Variants in DSCAM observed in about 807,000 individuals in gnomAD.
DSCAM encodes the protein DS cell adhesion molecule.
Under a neutral mutation model 217.7 loss-of-function variants are expected in DSCAM, and 47 were observed. The observed-to-expected ratio is 0.22, with a 90% CI of 0.17 to 0.28. DSCAM has a LOEUF of 0.28. Among genes scored for constraint, DSCAM ranks in the 10% least tolerant of loss-of-function variants. The probability of loss-of-function intolerance (pLI) is 1.00; values close to 1 mark genes in which losing one functional copy is unlikely to be tolerated. For synonymous variants in DSCAM, 1,056 were observed against 1,015.3 expected (o/e 1.04, Z -0.76); for missense variants, 2,080 against 2,618.3 (o/e 0.79, Z 4.49).
rs57612141 is a variant in DSCAM at position 40,834,426 on chromosome 21, AAATAATAATAATAATAATAAT to A, written c.43+12172_43+12192del. ...TGTCTCCAAAATAATAATAATAATA[AAATAATAATAATAATAATAAT>A]AATAATAATAATAATAATAATAGTT... On this transcript the variant is annotated intron_variant, in intron 1 of 32. Coordinates refer to ENST00000400454, the MANE Select transcript of DSCAM (RefSeq NM_001389.5). Among the ~76,000 whole-genome samples the A allele has an allele frequency of 6.4e-5, 9 of 141,506 alleles. No individual in the cohort carries two copies. The South Asian group carries it at 6.9e-4, about 11-fold the overall frequency. The allele number at this position is 141,506 out of a possible 152,430, so 92.8% of individuals were successfully genotyped here.
intron 2 of DSCAM, among the ~76,000 whole-genome samples, chr21:40,697,386 G>A (rs1325555566): frequency 2.0e-5 from 3 of 152,040 alleles, no homozygotes; most frequent in Non-Finnish European, 4.4e-5. Flanking sequence ...TGCTTTTGAG[G>A]CCTTACCCCA....
At chr21:40,101,669 G>A (rs2089752986) in intron 20 of DSCAM, among the ~76,000 whole-genome samples, 2 of 151,986 alleles carry the variant, frequency 1.3e-5, no homozygotes. Context: ...GAAGATTTGG[G>A]TATTTGGTCT....
intron 1 of DSCAM, among the ~76,000 whole-genome samples, chr21:40,779,765 T>A (rs955511337): frequency 3.3e-5 from 5 of 152,078 alleles, no homozygotes; most frequent in African/African-American, 1.2e-4. Context: ...GGGATGGCAG[T>A]GTAAAGAGCC....
intron 6 of DSCAM, among the ~76,000 whole-genome samples, chr21:40,342,644 A>ATTT (rs148949132): frequency 7.8e-5 from 7 of 89,298 alleles, no homozygotes; most frequent in African/African-American, 1.9e-4. Context: ...ATATATATAT[A>ATTT]TATATTTTTT....
chr21:40,757,001 G>GTGTA (rs2091283363), intron 1 of DSCAM, among the ~76,000 whole-genome samples: 1 of 151,298 alleles, frequency 6.6e-6, no homozygotes, highest in African/African-American at 2.4e-5. Flanking sequence ...GTGTGTGTGT[G>GTGTA]TATGTGTGTG....
chr21:40,102,869 T>G (rs530586059), intron 20 of DSCAM, among the ~76,000 whole-genome samples: 16 of 152,304 alleles, frequency 1.1e-4, no homozygotes, highest in African/African-American at 3.4e-4. Flanking sequence ...TTTATTCCAC[T>G]GTGGGTTATG....
chr21:40,596,299 T>C (rs962742815), intron 3 of DSCAM, among the ~76,000 whole-genome samples: 3 of 152,214 alleles, frequency 2.0e-5, no homozygotes, highest in African/African-American at 4.8e-5. Flanking sequence ...CTTTCAAATA[T>C]AAGAGTGCTT....
At chr21:40,332,376 C>A (rs572659194) in intron 8 of DSCAM, among the ~76,000 whole-genome samples, 2 of 152,280 alleles carry the variant, frequency 1.3e-5, no homozygotes, top group South Asian at 4.1e-4. Context: ...TGCGCAGCCT[C>A]ATCTCTCTTC....
intron 3 of DSCAM, among the ~76,000 whole-genome samples, chr21:40,502,335 G>A (rs914096890): frequency 1.3e-5 from 2 of 151,964 alleles, no homozygotes; most frequent in African/African-American, 4.8e-5. Flanking sequence ...CATACATCAT[G>A]GATTTTATCT....
chr21:40,233,557 A>G (rs946804223), intron 11 of DSCAM, among the ~76,000 whole-genome samples: 1 of 152,146 alleles, frequency 6.6e-6, no homozygotes, highest in Admixed American at 6.6e-5. Flanking sequence ...TGCTGTTGAT[A>G]TAATTAGAGA....
Position 40,042,096 on chromosome 21 carries a change from C to T in DSCAM, c.5686+275G>A, listed in dbSNP as rs559756841. The stretch of plus-strand genomic sequence containing the variant: ...CAGCACAGGGAGAACACAGCCAGGT[C>T]GGTGAGCCACTTTGGAAGTGGATCC... On this transcript the variant is annotated intron_variant, in intron 32 of 32. Transcript: ENST00000400454. 5.3e-5 allele frequency among the ~76,000 whole-genome samples: 8 copies of T among 152,312 alleles called. No homozygotes were observed. In the East Asian group the frequency reaches 1.2e-3, roughly 22 times the overall value.
intron 7 of DSCAM, 113 bp from the exon 8 acceptor site, chr21:40,338,489 C>A: frequency 2.6e-6 from 3 of 1,136,680 alleles, no homozygotes; most frequent in Non-Finnish European, 3.6e-6. Flanking sequence ...GTAAGCACAT[C>A]TTTTTCAGTT....
chr21:40,578,771 G>A lies in DSCAM; in HGVS notation c.508+114039C>T, dbSNP rs557132222. On this transcript the variant is annotated intron_variant, in intron 3 of 32. Transcript: ENST00000400454. ...GAACCCATAGGAAGGAATAAATTAT[G>A]GACACAGCAAGATGTATGATGGGGT... Among the ~76,000 whole-genome samples the A allele has an allele frequency of 2.6e-4, 39 of 152,238 alleles. No individual in the cohort carries two copies. The South Asian group carries it at 3.3e-3, about 13-fold the overall frequency.
intron 3 of DSCAM, among the ~76,000 whole-genome samples, chr21:40,600,664 G>T (rs865779081): frequency 6.6e-6 from 1 of 152,284 alleles, no homozygotes. Flanking sequence ...CACTTTATAT[G>T]TGGGTCTCTA....
chr21:40,472,489 G>A (rs2075897082), intron 3 of DSCAM, among the ~76,000 whole-genome samples: 1 of 152,174 alleles, frequency 6.6e-6, no homozygotes, highest in South Asian at 2.1e-4. Flanking sequence ...TTTAATGGAG[G>A]TACACATGCA....
chr21:40,233,652 T>C (rs1377799568), intron 11 of DSCAM, among the ~76,000 whole-genome samples: 1 of 152,192 alleles, frequency 6.6e-6, no homozygotes, highest in Admixed American at 6.5e-5. Context: ...CTAGTCTTTA[T>C]TAATAACCTG....
chr21:40,029,366 TG>T (rs34143366), intron 32 of DSCAM, among the ~76,000 whole-genome samples: 25,983 of 151,646 alleles, frequency 0.17, 2,595 homozygotes, highest in Non-Finnish European at 0.23. Context: ...TCATGCCCTC[TG>T]GGCCCCAGAC....
chr21:40,295,909 G>A, intron 10 of DSCAM, 146 bp downstream of exon 10: 1 of 1,005,008 alleles, frequency 1.0e-6, no homozygotes, highest in East Asian at 2.7e-5. Context: ...AACTAGGAAT[G>A]TCTATGAGAG....
At chr21:40,203,709 G>A (rs1017310391) in intron 11 of DSCAM, among the ~76,000 whole-genome samples, 3 of 152,192 alleles carry the variant, frequency 2.0e-5, no homozygotes, top group Non-Finnish European at 4.4e-5. Context: ...AGATTATAAA[G>A]TGCTTATAAG....
Sources: allele counts gnomAD v4.1 joint callset (sites outside exome capture counted in the v4.1 genomes callset), GRCh38; gene constraint gnomAD v4.1.1; transcripts MANE v1.5; gene names NCBI Gene and HGNC (gene_info 2026-07-23, HGNC 2026-07-21).